DNAH8: variants seen among roughly 807,000 people sequenced by gnomAD.
The protein encoded by DNAH8 is dynein axonemal heavy chain 8.
Under a neutral mutation model 562.1 loss-of-function variants are expected in DNAH8, and 382 were observed. That is an observed-to-expected ratio of 0.68 (90% confidence interval 0.63 to 0.74). The LOEUF (loss-of-function observed/expected upper bound fraction) is 0.74. Among genes scored for constraint, DNAH8 ranks in the 30% least tolerant of loss-of-function variants. The pLI, the probability that DNAH8 is intolerant of heterozygous loss-of-function variation, is 0.00. For synonymous variants in DNAH8, 1,881 were observed against 1,919.4 expected, an observed-to-expected ratio of 0.98 and a Z score of 0.52; for missense variants, 5,203 against 5,620.4, an observed-to-expected ratio of 0.93 and a Z score of 2.37.
chr6:38,715,814 G>GT (rs1237180252), intron 1 of DNAH8, among the ~76,000 whole-genome samples: 2 of 108,296 alleles, frequency 1.8e-5, no homozygotes, highest in Non-Finnish European at 4.9e-5. Flanking sequence ...CGCTTGCAAT[G>GT]TATGCTACCT....
chr6:38,828,115 G>T, intron 29 of DNAH8, 69 bp from the exon 30 acceptor site: 1 of 951,170 alleles, frequency 1.1e-6, no homozygotes, highest in Non-Finnish European at 1.6e-6. Context: ...TGTGTTTCTA[G>T]AAGGCGTCTA....
chr6:38,771,789 G>A (rs1286191775), intron 12 of DNAH8, among the ~76,000 whole-genome samples: 2 of 152,038 alleles, frequency 1.3e-5, no homozygotes, highest in Non-Finnish European at 2.9e-5. Flanking sequence ...CTACTCATCA[G>A]TTGATGAACA....
intron 58 of DNAH8, among the ~76,000 whole-genome samples, chr6:38,893,505 T>A (rs973435179): frequency 6.6e-6 from 1 of 152,182 alleles, no homozygotes; most frequent in African/African-American, 2.4e-5. Flanking sequence ...AGTGTTATAC[T>A]ATAAAAAAAG....
intron 85 of DNAH8, among the ~76,000 whole-genome samples, chr6:38,980,389 G>A (rs867000331): frequency 2.6e-5 from 4 of 152,206 alleles, no homozygotes; most frequent in Middle Eastern, 3.4e-3. Context: ...GAGAAGCAAT[G>A]TTAGGGACCA....
At chr6:38,975,026 T>C (rs894473741) in intron 85 of DNAH8, among the ~76,000 whole-genome samples, 3 of 152,246 alleles carry the variant, frequency 2.0e-5, no homozygotes, top group Non-Finnish European at 2.9e-5. Flanking sequence ...TAGGATTGGC[T>C]GGCTCTGATT....
chr6:38,799,151 G>A (rs1770555653), intron 21 of DNAH8, among the ~76,000 whole-genome samples: 1 of 152,168 alleles, frequency 6.6e-6, no homozygotes, highest in Non-Finnish European at 1.5e-5. Context: ...CTTTGATGGA[G>A]TGACAGGGAT....
chr6:38,834,531 A>G (rs771488561), intron 31 of DNAH8, 48 bp from the exon 32 acceptor site: 1 of 1,317,142 alleles, frequency 7.6e-7, no homozygotes, highest in Non-Finnish European at 1.1e-6. Flanking sequence ...TAAACTGACA[A>G]ATACATATGA....
chr6:38,734,413 T>A, intron 4 of DNAH8, 61 bp from the exon 5 acceptor site: 1 of 1,544,278 alleles, frequency 6.5e-7, no homozygotes, highest in Non-Finnish European at 8.7e-7. Context: ...AGAGCCACAG[T>A]AACTTATCTC....
At position 38,906,407 on chromosome 6, in the gene DNAH8, G is replaced by T; in HGVS notation, c.9348G>T (p.Glu3116Asp). The stretch of plus-strand genomic sequence containing the variant: ...TTAACAACTTGCTATCTTCAGGGGA[G>T]GTAAGTCTCAAAAGTAGAGAAAAAG... ...EYLNNLLSSG[E>D]ISNLFARDEM... The change falls in exon 63 of 93, where the codon GAG (glutamate) becomes GAT (aspartate). Residue 3116 changes from glutamate (E) to aspartate (D), a missense_variant and splice_region_variant. Around this residue, in one of 6 missense-constraint regions of DNAH8, gnomAD observed 977 missense variants for 1,061.8 expected, o/e 0.92. Coordinates refer to ENST00000327475, the MANE Select transcript of DNAH8 (RefSeq NM_001206927.2). 1.3e-6 allele frequency: 2 copies of T among 1,568,946 alleles called. No homozygotes were observed. Among genetic ancestry groups the T allele is most frequent in the Non-Finnish European group, 1.7e-6 (2 of 1,158,740 alleles).
chr6:38,890,861 G>T, intron 58 of DNAH8, 100 bp downstream of exon 58: 1 of 771,040 alleles, frequency 1.3e-6, no homozygotes, highest in Non-Finnish European at 2.2e-6. Context: ...CATATATAGT[G>T]GTGTTTTTTG....
intron 48 of DNAH8, among the ~76,000 whole-genome samples, chr6:38,868,474 T>G (rs1475657586): frequency 6.6e-6 from 1 of 152,202 alleles, no homozygotes; most frequent in Admixed American, 6.5e-5. Flanking sequence ...TCTACCATTA[T>G]TCACAAAGTG....
chr6:38,746,741 C>T lies in DNAH8; in HGVS notation c.1294-3735C>T, dbSNP rs538602076. Among the ~76,000 whole-genome samples, 158 of 152,044 alleles carry T rather than the reference C, an allele frequency of 1.0e-3. No individual in the cohort carries two copies. The Middle Eastern group carries it at 0.017, about 16-fold the overall frequency. ...GTCAGGAGTTCGAGACCAGCCTGGCCGGTATGGCAAAATCCCGTCTCTACT... is the reference window on the plus strand; with the variant it reads ...GTCAGGAGTTCGAGACCAGCCTGGCTGGTATGGCAAAATCCCGTCTCTACT... On this transcript the variant is annotated intron_variant, in intron 8 of 92. Coordinates refer to ENST00000327475, the MANE Select transcript of DNAH8 (RefSeq NM_001206927.2).
Position 38,857,510 on chromosome 6 carries a change from A to G in DNAH8, c.5734-8A>G. 6.3e-7 allele frequency: 1 copy of G among 1,589,024 alleles called. No individual in the cohort carries two copies. Among genetic ancestry groups the G allele is most frequent in the South Asian group, 1.1e-5 (1 of 88,192 alleles). On this transcript the variant is annotated splice_region_variant and splice_polypyrimidine_tract_variant and intron_variant, in intron 41 of 92. Coordinates refer to ENST00000327475, the MANE Select transcript of DNAH8 (RefSeq NM_001206927.2). ...GCAAATTTTAATATTTTTCTGCTGG[A>G]TCTGTAGGTTGGACTTCTGGGAATT...
At position 38,945,600 on chromosome 6, in the gene DNAH8, A is replaced by G. The variant is rs772347688; in HGVS notation, c.12129+12A>G. The G allele has an allele frequency of 8.7e-6, 14 of 1,613,622 alleles. No homozygotes were observed. The highest frequency in any genetic ancestry group is 1.2e-5 in the Non-Finnish European group (14 of 1,179,708). ...AAATTATGAACCAGGTAATACAATA[A>G]AGGGCTGGTTGAAAGTGCAGATCTG... On this transcript the variant is annotated intron_variant, in intron 80 of 92. Coordinates refer to ENST00000327475, the MANE Select transcript of DNAH8 (RefSeq NM_001206927.2).
chr6:38,823,088 G>A, intron 27 of DNAH8, 54 bp downstream of exon 27: 1 of 1,464,346 alleles, frequency 6.8e-7, no homozygotes, highest in Non-Finnish European at 9.1e-7. Flanking sequence ...TCTAATTCTT[G>A]AGGGTGGACC....
intron 30 of DNAH8, among the ~76,000 whole-genome samples, chr6:38,831,577 T>G (rs911781082): frequency 6.6e-6 from 1 of 152,130 alleles, no homozygotes; most frequent in Non-Finnish European, 1.5e-5. Flanking sequence ...TGAGGTAATA[T>G]ATGTTCCAAT....
At chr6:38,867,022 G>T (rs1329960512) in intron 47 of DNAH8, 146 bp downstream of exon 47, 5 of 584,984 alleles carry the variant, frequency 8.5e-6, no homozygotes, top group East Asian at 8.4e-5. Flanking sequence ...CCTATTGGTT[G>T]TGTATTTTTA....
chr6:38,930,417 A>ATTTATTT (rs10522669), intron 75 of DNAH8, among the ~76,000 whole-genome samples: 13,265 of 152,172 alleles, frequency 0.087, 785 homozygotes, highest in East Asian at 0.28. Flanking sequence ...TTTTCTCATT[A>ATTTATTT]AATAAAGACA....
intron 82 of DNAH8, among the ~76,000 whole-genome samples, chr6:38,954,999 ACT>A (rs1026682338): frequency 2.6e-5 from 4 of 152,048 alleles, no homozygotes; most frequent in Admixed American, 2.6e-4. Context: ...ACAGGCTCCC[ACT>A]CTGTCACCCA....
Sources: gnomAD v4.1 joint callset for allele counts (sites outside exome capture counted in the v4.1 genomes callset) on GRCh38, gnomAD v4.1.1 for gene constraint, gnomAD v4.1.1 regional missense constraint, MANE v1.5 for transcripts, NCBI Gene and HGNC (gene_info 2026-07-23, HGNC 2026-07-21) for gene names.